The following ANKRD35 variants were observed in gnomAD, a reference collection of about 807,000 sequenced individuals.
ANKRD35 encodes ankyrin repeat domain-containing protein 35.
A neutral mutation model predicts 109.9 loss-of-function variants in ANKRD35; 102 were observed. The ratio of observed to expected loss-of-function variants is 0.93; its 90% CI spans 0.79 to 1.09. ANKRD35 has a LOEUF of 1.09. ANKRD35 is among the 50% of genes least tolerant of loss of function. ANKRD35 has a pLI of 0.00. For synonymous variants in ANKRD35, 515 were observed against 512.4 expected (o/e 1.01, Z -0.07); for missense variants, 1,240 against 1,230.1 (o/e 1.01, Z -0.12).
chr1:145,879,389 C>G lies in ANKRD35; in HGVS notation c.40-1G>C. The G allele has an allele frequency of 6.4e-7, 1 of 1,569,504 alleles. No homozygotes were observed. The highest frequency in any genetic ancestry group is 1.2e-5 in the South Asian group (1 of 84,566). On this transcript the variant is annotated splice_acceptor_variant, in intron 1 of 13. Transcript: ENST00000355594. LOFTEE classifies it high-confidence loss of function. ...GATCATGGCGGTTCCATCTCTCCAC[C>G]TGGTCCAGAGCCACAGGTTGTGTGA...
chr1:145,870,708 T>TTATA (rs34922005), intron 10 of ANKRD35, among the ~76,000 whole-genome samples: 27 of 151,606 alleles, frequency 1.8e-4, no homozygotes, highest in African/African-American at 6.5e-4. Flanking sequence ...ATACATTCTT[T>TTATA]TATATATATA....
rs1441602808 is a variant in ANKRD35, at chr1:145,872,904, A to G, written c.1865T>C (p.Leu622Pro). The change falls in exon 10 of 14, where the codon CTG (leucine) becomes CCG (proline). Residue 622 changes from leucine (L) to proline (P), a missense_variant. Coordinates refer to ENST00000355594, the MANE Select transcript of ANKRD35 (RefSeq NM_144698.5). ...QLEKEMSVLRLSNSNLLEELG... is the reference protein window; with the variant it reads ...QLEKEMSVLRPSNSNLLEELG... ...CTCCTCCAGCAAGTTACTGTTGCTC[A>G]GTCTCAGTACTGACATCTCCTTCTC... The G allele has an allele frequency of 3.1e-6, 5 of 1,613,924 alleles. No individual in the cohort carries two copies. In the African/African-American group the frequency reaches 5.3e-5, roughly 17 times the overall value.
intron 7 of ANKRD35, 75 bp from the exon 8 acceptor site, chr1:145,875,081 A>C: frequency 6.9e-7 from 1 of 1,448,654 alleles, no homozygotes; most frequent in Non-Finnish European, 9.4e-7. Context: ...CATTCCACTC[A>C]CAGGGTAAGC....
chr1:145,875,105 G>T, intron 7 of ANKRD35, 99 bp from the exon 8 acceptor site: 1 of 1,250,088 alleles, frequency 8.0e-7, no homozygotes, highest in Non-Finnish European at 1.1e-6. Context: ...CATTCAGTGG[G>T]GTCAGGAGAA....
chr1:145,883,601 A>G (rs1257908795), intron 1 of ANKRD35, among the ~76,000 whole-genome samples: 6 of 152,200 alleles, frequency 3.9e-5, no homozygotes, highest in Non-Finnish European at 7.3e-5. Flanking sequence ...CCTTACTCAG[A>G]CTGACAGTGC....
chr1:145,878,401 C>T lies in ANKRD35; in HGVS notation c.249G>A (p.Lys83=). Residue 83 remains lysine, a synonymous_variant, in exon 3 of 14, where the codon AAG becomes AAA. Transcript: ENST00000355594. ...CTCCGGCTCACTCACCATCCTCATT[C>T]TTGCTGTTGATGTCAGCCCCATTTG... ...LLANGADINS[K]NEDGSTALHL... 1.3e-6 allele frequency: 2 copies of T among 1,567,248 alleles called. No individual in the cohort carries two copies. The highest frequency in any genetic ancestry group is 1.7e-6 in the Non-Finnish European group (2 of 1,155,030).
At chr1:145,876,293 AG>A in intron 6 of ANKRD35, 47 bp from the exon 7 acceptor site, 1 of 1,554,536 alleles carries the variant, frequency 6.4e-7, no homozygotes, top group Non-Finnish European at 8.8e-7. Flanking sequence ...GGGACTGCAG[AG>A]GCTTGACAAT....
At position 145,873,981 on chromosome 1, in the gene ANKRD35, G is replaced by A. The variant is rs1311132194; in HGVS notation, c.788C>T (p.Ser263Phe). 1.2e-6 allele frequency: 2 copies of A among 1,613,786 alleles called. No homozygotes were observed. The highest frequency in any genetic ancestry group is 1.7e-6 in the Non-Finnish European group (2 of 1,179,958). ...AGAACCTGCCTGGGGCTCAGATGGAGAGGCCTATGTTGGAAACAGAATAGT... is the reference window on the plus strand; with the variant it reads ...AGAACCTGCCTGGGGCTCAGATGGAAAGGCCTATGTTGGAAACAGAATAGT... ...VQHPDLASQA[S>F]PSEPQAGSPP... The change falls in exon 10 of 14, where the codon TCT (serine) becomes TTT (phenylalanine). Residue 263 changes from serine to phenylalanine, a missense_variant. Ser to Phe is a radical substitution (Grantham distance 155). Coordinates refer to ENST00000355594, the MANE Select transcript of ANKRD35 (RefSeq NM_144698.5).
chr1:145,879,423 C>T, intron 1 of ANKRD35, 35 bp from the exon 2 acceptor site: 1 of 1,465,442 alleles, frequency 6.8e-7, no homozygotes, highest in Non-Finnish European at 9.1e-7. Context: ...GAATATAGGG[C>T]ATGAGGGTAG....
chr1:145,880,428 C>A (rs587659551), intron 1 of ANKRD35, among the ~76,000 whole-genome samples: 414 of 152,258 alleles, frequency 2.7e-3, no homozygotes, highest in Non-Finnish European at 5.1e-3. Flanking sequence ...GCTATGTGAC[C>A]TAAAGTAAGC....
At chr1:145,879,418 T>C (rs375458712) in intron 1 of ANKRD35, 30 bp from the exon 2 acceptor site, 5 of 1,490,726 alleles carry the variant, frequency 3.4e-6, no homozygotes, top group Middle Eastern at 1.8e-4. Context: ...TGTGTGAATA[T>C]AGGGCATGAG....
Position 145,872,773 on chromosome 1 carries a change from GCTGGAC to G in ANKRD35, c.1990_1995del (p.Val664_Gln665del). 6.2e-7 allele frequency: 1 copy of G among 1,614,118 alleles called. No individual in the cohort carries two copies. The highest frequency in any genetic ancestry group is 1.1e-5 in the South Asian group (1 of 91,076). On this transcript the variant is annotated inframe_deletion, in exon 10 of 14. Transcript: ENST00000355594. ...CCCACACTCTGTCGCAACTGCTGTA[GCTGGAC>G]CTGCGCCTGTGGCTTGGGCACAAAC...
At position 145,872,554 on chromosome 1, in the gene ANKRD35, G is replaced by A. The variant is rs1553738984; in HGVS notation, c.2215C>T (p.Arg739Trp). The change falls in exon 10 of 14, where the codon CGG (arginine) becomes TGG (tryptophan). Residue 739 changes from arginine to tryptophan, a missense_variant. Physicochemically the swap from Arg to Trp is moderately radical, Grantham distance 101. Coordinates refer to ENST00000355594, the MANE Select transcript of ANKRD35 (RefSeq NM_144698.5). ...LRACISTLVD[R>W]HREAQQVLAR... ...AGCACCTGCTGGGCCTCCCGGTGCC[G>A]ATCCACCAGGGTGCTGATGCAGGCC... 1 of 1,609,594 alleles carries A rather than the reference G, an allele frequency of 6.2e-7. No individual in the cohort carries two copies. The highest frequency in any genetic ancestry group is 1.3e-5 in the African/African-American group (1 of 74,944).
In ANKRD35 at chr1:145,879,333, TC is replaced by T. The variant is rs782536263; in HGVS notation, c.94del (p.Asp32MetfsTer35). The T allele has an allele frequency of 1.9e-6, 3 of 1,610,160 alleles. No individual in the cohort carries two copies. Among genetic ancestry groups the T allele is most frequent in the Non-Finnish European group, 8.5e-7 (1 of 1,178,458 alleles). On this transcript the variant is annotated frameshift_variant, in exon 2 of 14. Coordinates refer to ENST00000355594, the MANE Select transcript of ANKRD35 (RefSeq NM_144698.5). LOFTEE classifies it high-confidence loss of function. The part of the protein sequence containing the change: ...QKLLEAVHRG[D>X]VGRVAALASR... ...GGCCAGGGCAGCCACGCGTCCCACA[TC>T]CCCCCTGTGCACTGCCTCCAGCAGC...
chr1:145,873,732 A>T lies in ANKRD35; in HGVS notation c.1037T>A (p.Val346Asp), dbSNP rs782525110. 6.2e-7 allele frequency: 1 copy of T among 1,613,624 alleles called. No individual in the cohort carries two copies. ...QIREQAQELG[V>D]LLSWEPRASG... is the part of the protein sequence containing the mutation. ...AGCTCTGGGCTCCCAGGATAGGAGGACCCCTAGCTCCTGCGCCTGCTCTCG... is the reference window on the plus strand; with the variant it reads ...AGCTCTGGGCTCCCAGGATAGGAGGTCCCCTAGCTCCTGCGCCTGCTCTCG... Residue 346 changes from valine to aspartate, a missense_variant, in exon 10 of 14, where the codon GTC becomes GAC. Coordinates refer to ENST00000355594, the MANE Select transcript of ANKRD35 (RefSeq NM_144698.5).
rs1295069609 is a variant in ANKRD35, at chr1:145,872,294, C to G, written c.2475G>C (p.Arg825Ser). 1 of 1,612,442 alleles carries G rather than the reference C, an allele frequency of 6.2e-7. No homozygotes were observed. Among genetic ancestry groups the G allele is most frequent in the Non-Finnish European group, 8.5e-7 (1 of 1,179,474 alleles). Residue 825 changes from arginine (R) to serine (S), a missense_variant, in exon 10 of 14, where the codon AGG becomes AGC. Arg to Ser is a moderately radical substitution (Grantham distance 110). Transcript: ENST00000355594. Reference protein sequence around the residue: ...YQATEEVAELRAREAASLRQH... With the variant: ...YQATEEVAELSAREAASLRQH... ...GCCGTAGGCTGGCTGCCTCCCGGGCCCTTAGCTCAGCCACTTCCTCTGTGG... is the reference window on the plus strand; with the variant it reads ...GCCGTAGGCTGGCTGCCTCCCGGGCGCTTAGCTCAGCCACTTCCTCTGTGG...
intron 9 of ANKRD35, 53 bp downstream of exon 9, chr1:145,874,102 G>A: frequency 6.2e-7 from 1 of 1,611,328 alleles, no homozygotes; most frequent in Non-Finnish European, 8.5e-7. Context: ...TAGTCACAGT[G>A]GGATAGCCTG....
intron 11 of ANKRD35, 50 bp from the exon 12 acceptor site, chr1:145,868,106 A>C (rs1446518276): frequency 6.3e-7 from 1 of 1,577,206 alleles, no homozygotes; most frequent in East Asian, 2.2e-5. Context: ...CAGTCACCCA[A>C]GCATGAGGAG....
In ANKRD35 at chr1:145,872,622, C is replaced by G. The variant is rs1455867375; in HGVS notation, c.2147G>C (p.Arg716Thr). The change falls in exon 10 of 14, where the codon AGG (arginine) becomes ACG (threonine). Residue 716 changes from arginine (R) to threonine (T), a missense_variant. Coordinates refer to ENST00000355594, the MANE Select transcript of ANKRD35 (RefSeq NM_144698.5). The part of the protein sequence containing the change: ...DCLPADLVGE[R>T]SAQSKAAESL... Reference sequence around the variant, plus strand: ...CTCCGCTGCTTTGCTTTGTGCACTCCTCTCGCCCACTAGGTCTGCGGGCAG... The same window carrying G: ...CTCCGCTGCTTTGCTTTGTGCACTCGTCTCGCCCACTAGGTCTGCGGGCAG... 3 of 1,613,904 alleles carry G rather than the reference C, an allele frequency of 1.9e-6. No homozygotes were observed. Among genetic ancestry groups the G allele is most frequent in the Non-Finnish European group, 2.5e-6 (3 of 1,179,966 alleles).
Sources: allele counts gnomAD v4.1 joint callset (sites outside exome capture counted in the v4.1 genomes callset), GRCh38; gene constraint gnomAD v4.1.1; transcripts MANE v1.5; gene names NCBI Gene and HGNC (gene_info 2026-07-23, HGNC 2026-07-21).